Variants in DVL1 observed in about 807,000 individuals in gnomAD.
DVL1 encodes segment polarity protein dishevelled homolog DVL-1.
A neutral mutation model predicts 65.0 loss-of-function variants in DVL1; 49 were observed. That is an observed-to-expected ratio of 0.75 (90% CI 0.60 to 0.96). The LOEUF (loss-of-function observed/expected upper bound fraction) is 0.96. DVL1 is among the 40% of genes least tolerant of loss of function. DVL1 has a pLI of 0.00. For missense variants in DVL1, 1,197 were observed against 1,045.4 expected (o/e 1.15, Z -2.00); for synonymous variants, 608 against 433.9 (o/e 1.40, Z -4.99).
Position 1,342,459 on chromosome 1 carries a change from G to C in DVL1, c.266C>G (p.Ser89Trp), listed in dbSNP as rs1418499998. The change falls in exon 3 of 15, where the codon TCG becomes TGG. Residue 89 changes from serine (S) to tryptophan (W), a missense_variant. Transcript: ENST00000378888. ...GTCCGTGCCCTGGGACCCCGCATCC[G>C]AGTGAGCACCCTCAGCCAGGACCAG... Reference protein sequence around the residue: ...SWLVLAEGAHSDAGSQGTDSH... With the variant: ...SWLVLAEGAHWDAGSQGTDSH... 5 of 1,609,294 alleles carry C rather than the reference G, an allele frequency of 3.1e-6. No individual in the cohort carries two copies. The highest frequency in any genetic ancestry group is 4.2e-6 in the Non-Finnish European group (5 of 1,178,988).
At chr1:1,337,095 C>G in intron 14 of DVL1, 4 of 987,884 alleles carry the variant, frequency 4.0e-6, no homozygotes, top group Non-Finnish European at 4.8e-6. Context: ...GAGTTACACG[C>G]CCGGCTGCCT....
rs1430697061 is a variant in DVL1, at chr1:1,348,899, A to T, written c.167T>A (p.Phe56Tyr). The change falls in exon 1 of 15, where the codon TTC (phenylalanine) becomes TAC (tyrosine). Residue 56 changes from phenylalanine (F) to tyrosine (Y), a missense_variant. Physicochemically the swap from Phe to Tyr is conservative, Grantham distance 22. Transcript: ENST00000378888. ...GCAGGCCTCGCGGCCGACTGACCCG[A>T]AGTCCTGGTCCATGGACTTAAAGAA... Reference protein sequence around the residue: ...KFFFKSMDQDFGVVKEEIFDD... With the variant: ...KFFFKSMDQDYGVVKEEIFDD... 2 of 1,548,446 alleles carry T rather than the reference A, an allele frequency of 1.3e-6. No individual in the cohort carries two copies. Among genetic ancestry groups the T allele is most frequent in the Admixed American group, 3.6e-5 (2 of 55,552 alleles).
chr1:1,341,172 CCTGCACACACGCACAT>C (rs1207968355), intron 5 of DVL1, among the ~76,000 whole-genome samples: 4 of 150,846 alleles, frequency 2.7e-5, no homozygotes, highest in African/African-American at 9.8e-5. Flanking sequence ...TACAAGCACA[CCTGCACACACGCACAT>C]CTGCACACGC....
chr1:1,338,229 T>TGGGGCC, intron 13 of DVL1, 40 bp downstream of exon 13: 1 of 1,522,368 alleles, frequency 6.6e-7, no homozygotes, highest in Non-Finnish European at 9.0e-7. Flanking sequence ...CCTCCGGCGT[T>TGGGGCC]CCCCTCCCCC....
At chr1:1,337,644 G>A in intron 14 of DVL1, 1 of 486,086 alleles carries the variant, frequency 2.1e-6, no homozygotes, top group Non-Finnish European at 3.8e-6. Flanking sequence ...CAGGCCGCCA[G>A]GCTCCTGGAG....
At position 1,336,444 on chromosome 1, in the gene DVL1, C is replaced by A. The variant is rs1643577304; in HGVS notation, c.1786G>T (p.Gly596Ter). 1 of 1,578,514 alleles carries A rather than the reference C, an allele frequency of 6.3e-7. No homozygotes were observed. Among genetic ancestry groups the A allele is most frequent in the African/African-American group, 1.4e-5 (1 of 73,442 alleles). ...GATTCACTGCCACTGCCCCCAGCTC[C>A]CGCCGCCCGACGCTCCTTCTCACGG... is the stretch of plus-strand genomic sequence containing the variant. ...PGREKERRAA[G>*]AGGSGSESDH... Residue 596 changes from glycine to a stop codon, truncating the protein, a stop_gained, in exon 15 of 15, where the codon GGA (glycine) becomes TGA (stop). Transcript: ENST00000378888. LOFTEE classifies it low-confidence loss of function (END_TRUNC).
rs758604532 is a variant in DVL1, at chr1:1,342,061, C to T, written c.458G>A (p.Arg153His). The change falls in exon 4 of 15, where the codon CGC becomes CAC. Residue 153 changes from arginine (R) to histidine (H), a missense_variant. Physicochemically the swap from Arg to His is conservative, Grantham distance 29 (BLOSUM62 0). Coordinates refer to ENST00000378888, the MANE Select transcript of DVL1 (RefSeq NM_001330311.2). ...HRRERARRRNREEAARTNGHP... is the reference protein window; with the variant it reads ...HRRERARRRNHEEAARTNGHP... The stretch of plus-strand genomic sequence containing the variant: ...AGACATGACCACTGTACCCTCCTCG[C>T]GGTTCCGGCGTCGGGCACGCTCCCG... 128 of 1,578,784 alleles carry T rather than the reference C, an allele frequency of 8.1e-5. No individual in the cohort carries two copies. The highest frequency in any genetic ancestry group is 1.1e-4 in the Admixed American group (6 of 55,100).
chr1:1,339,858 A>G (rs1281463577), intron 8 of DVL1, 46 bp from the exon 9 acceptor site: 1 of 1,349,922 alleles, frequency 7.4e-7, no homozygotes, highest in South Asian at 1.2e-5. Flanking sequence ...TGTGCAGCTC[A>G]GTCCACCGCC....
chr1:1,337,935 G>T (rs1170884519), intron 14 of DVL1, 42 bp downstream of exon 14: 2 of 1,533,126 alleles, frequency 1.3e-6, no homozygotes, highest in Middle Eastern at 2.1e-4. Context: ...GGCGGAGCTG[G>T]GGGCGGAGCC....
chr1:1,343,439 C>T (rs1643877488), intron 1 of DVL1, among the ~76,000 whole-genome samples: 1 of 152,240 alleles, frequency 6.6e-6, no homozygotes, highest in Non-Finnish European at 1.5e-5. Flanking sequence ...GCCCACCCCT[C>T]AACAGCCAGG....
intron 11 of DVL1, 113 bp from the exon 12 acceptor site, chr1:1,338,766 A>G (rs1396678315): frequency 1.4e-6 from 2 of 1,445,638 alleles, no homozygotes; most frequent in Non-Finnish European, 1.8e-6. Flanking sequence ...CGCAAGCTGG[A>G]CGGTGCGTGA....
intron 5 of DVL1, among the ~76,000 whole-genome samples, chr1:1,340,990 C>T (rs893665741): frequency 6.9e-6 from 1 of 145,462 alleles, no homozygotes; most frequent in Non-Finnish European, 1.5e-5. Flanking sequence ...ACATGCACAC[C>T]TGCATACTCA....
At position 1,339,429 on chromosome 1, in the gene DVL1, C is replaced by T; in HGVS notation, c.1065G>A (p.Val355=). 1 of 1,548,470 alleles carries T rather than the reference C, an allele frequency of 6.5e-7. No homozygotes were observed. Among genetic ancestry groups the T allele is most frequent in the Admixed American group, 2.0e-5 (1 of 50,900 alleles). Residue 355 remains valine (V), a synonymous_variant, in exon 11 of 15, where the codon GTG becomes GTA. Transcript: ENST00000378888. The stretch of plus-strand genomic sequence containing the variant: ...GCCAGGCGGCGGGGTCGATGGGCCG[C>T]ACCGGGTCAGCTGGGTGGCCGCCAC... ...SYFTVPRADP[V]RPIDPAAWLS...
In DVL1 at chr1:1,338,602, C is replaced by T. The variant is rs1187001815; in HGVS notation, c.1259G>A (p.Arg420Gln). The change falls in exon 12 of 15, where the codon CGG (arginine) becomes CAG (glutamine). Residue 420 changes from arginine to glutamine, a missense_variant. By Grantham distance (43) the Arg-to-Gln change is conservative. Transcript: ENST00000378888. ...TCCCGAGTCTGGCAGCTGCATGACC[C>T]GGACGACGGCGCTCATGTCACTCTT... ...TVKSDMSAVV[R>Q]VMQLPDSGLE... is the part of the protein sequence containing the mutation. 13 of 1,612,018 alleles carry T rather than the reference C, an allele frequency of 8.1e-6. No homozygotes were observed. Among genetic ancestry groups the T allele is most frequent in the African/African-American group, 1.3e-5 (1 of 74,920 alleles).
At chr1:1,341,843 TCC>T in intron 4 of DVL1, 38 bp from the exon 5 acceptor site, 1 of 1,536,408 alleles carries the variant, frequency 6.5e-7, no homozygotes, top group Non-Finnish European at 8.8e-7. Flanking sequence ...CTGCAGGGTC[TCC>T]CAGAGGTCAT....
chr1:1,342,824 C>A (rs1643869237), intron 1 of DVL1, 66 bp from the exon 2 acceptor site: 2 of 1,525,056 alleles, frequency 1.3e-6, no homozygotes, highest in Non-Finnish European at 9.0e-7. Flanking sequence ...AGAGGTGAGG[C>A]CTGGAGAGCA....
intron 1 of DVL1, 21 bp downstream of exon 1, chr1:1,348,875 C>A (rs764176870): frequency 5.9e-6 from 9 of 1,516,200 alleles, no homozygotes; most frequent in East Asian, 2.8e-5. Flanking sequence ...CAGGCTCGCG[C>A]AGGCCTCGCG....
In DVL1 at chr1:1,340,643, C is replaced by G. The variant is rs1305138059; in HGVS notation, c.606-140G>C. On this transcript the variant is annotated intron_variant, in intron 5 of 14. Coordinates refer to ENST00000378888, the MANE Select transcript of DVL1 (RefSeq NM_001330311.2). ...AGGCTCAGTGCCTGACGTCCACGCC[C>G]CAGGCCCTGCACACGTGATATGCAT... 5.9e-6 allele frequency: 5 copies of G among 850,192 alleles called. No homozygotes were observed. The East Asian group carries it at 1.1e-4, about 18-fold the overall frequency. 52.7% of individuals were successfully genotyped at this position (850,192 alleles called of 1,614,324 possible).
chr1:1,340,695 C>G (rs890172327), intron 5 of DVL1, among the ~76,000 whole-genome samples, 192 bp from the exon 6 acceptor site: 9 of 152,158 alleles, frequency 5.9e-5, no homozygotes, highest in African/African-American at 1.9e-4. Flanking sequence ...ATCCCAGAGA[C>G]AGGCAAACTG....
Sources: allele counts gnomAD v4.1 joint callset (sites outside exome capture counted in the v4.1 genomes callset), GRCh38; gene constraint gnomAD v4.1.1; transcripts MANE v1.5; gene names NCBI Gene and HGNC (gene_info 2026-07-23, HGNC 2026-07-21).